Variants in NUP155 observed in about 807,000 individuals in gnomAD.
NUP155 encodes nucleoporin 155.
A neutral mutation model predicts 180.4 loss-of-function variants in NUP155; 71 were observed. That is an observed-to-expected ratio of 0.39 (90% CI 0.33 to 0.48). The LOEUF (loss-of-function observed/expected upper bound fraction) is 0.48. NUP155 is among the 20% of genes least tolerant of loss of function. NUP155 has a pLI of 0.91. For missense variants in NUP155, 1,553 were observed against 1,648.9 expected (o/e 0.94, Z 1.01); for synonymous variants, 582 against 559.5 (o/e 1.04, Z -0.57).
At chr5:37,346,274 T>C (rs1480724015) in intron 9 of NUP155, among the ~76,000 whole-genome samples, 1 of 150,786 alleles carries the variant, frequency 6.6e-6, no homozygotes, top group Non-Finnish European at 1.5e-5. Flanking sequence ...TGAAACCCTG[T>C]CTGAAAAAAA....
intron 1 of NUP155, among the ~76,000 whole-genome samples, chr5:37,369,304 C>T (rs1163345607): frequency 6.6e-6 from 1 of 152,040 alleles, no homozygotes; most frequent in East Asian, 1.9e-4. Flanking sequence ...AGGACTTTCA[C>T]AGGGAGTCTG....
Position 37,348,581 on chromosome 5 carries a change from G to T in NUP155, c.919C>A (p.Gln307Lys). ...KGVIQVYDLG[Q>K]DGQGMSRVAS... ...ACTCTGCTCATTCCTTGTCCATCTT[G>T]TCCCAAATCATACACCTGTGAATAC... The change falls in exon 9 of 35, where the codon CAA becomes AAA. Residue 307 changes from glutamine to lysine, a missense_variant. Gln to Lys is a moderately conservative substitution (Grantham distance 53). Coordinates refer to ENST00000231498, the MANE Select transcript of NUP155 (RefSeq NM_153485.3). The T allele has an allele frequency of 6.2e-7, 1 of 1,606,104 alleles. No individual in the cohort carries two copies. Among genetic ancestry groups the T allele is most frequent in the South Asian group, 1.1e-5 (1 of 90,920 alleles).
Position 37,348,576 on chromosome 5 carries a change from A to G in NUP155, c.924T>C (p.Asp308=). The change falls in exon 9 of 35, where the codon GAT becomes GAC. Residue 308 remains aspartate (D), a synonymous_variant. Coordinates refer to ENST00000231498, the MANE Select transcript of NUP155 (RefSeq NM_153485.3). The stretch of plus-strand genomic sequence containing the variant: ...AGGCAACTCTGCTCATTCCTTGTCC[A>G]TCTTGTCCCAAATCATACACCTGTG... ...GVIQVYDLGQ[D]GQGMSRVASV... The G allele has an allele frequency of 1.2e-6, 2 of 1,609,732 alleles. No individual in the cohort carries two copies. Among genetic ancestry groups the G allele is most frequent in the Admixed American group, 1.7e-5 (1 of 60,012 alleles).
chr5:37,355,172 G>A (rs559060975), intron 4 of NUP155, among the ~76,000 whole-genome samples: 1 of 151,962 alleles, frequency 6.6e-6, no homozygotes, highest in Admixed American at 6.6e-5. Context: ...ATTTCACTTA[G>A]GCCTTGCAAA....
intron 9 of NUP155, among the ~76,000 whole-genome samples, chr5:37,347,565 G>A (rs1002038935): frequency 1.3e-5 from 2 of 151,736 alleles, no homozygotes; most frequent in Non-Finnish European, 2.9e-5. Context: ...GTGTGATGGC[G>A]CATGCCTGTA....
chr5:37,366,870 T>G lies in NUP155; in HGVS notation c.158-2486A>C, dbSNP rs1447605766. On this transcript the variant is annotated intron_variant, in intron 1 of 34. Coordinates refer to ENST00000231498, the MANE Select transcript of NUP155 (RefSeq NM_153485.3). Reference sequence around the variant, plus strand: ...TGTCACCGTGTTAGCCAGGATGGTCTCGATCTCCCGACCTCGTGATCTGCC... The same window carrying G: ...TGTCACCGTGTTAGCCAGGATGGTCGCGATCTCCCGACCTCGTGATCTGCC... 4.6e-5 allele frequency among the ~76,000 whole-genome samples: 7 copies of G among 152,020 alleles called. No homozygotes were observed. In the South Asian group the frequency reaches 1.5e-3, roughly 32 times the overall value.
At chr5:37,318,523 AC>A (rs1467802500) in intron 20 of NUP155, among the ~76,000 whole-genome samples, 1 of 150,066 alleles carries the variant, frequency 6.7e-6, no homozygotes, top group Non-Finnish European at 1.5e-5. Context: ...CAAATCTGAA[AC>A]GTTTTGCACA....
In NUP155 at chr5:37,317,984, T is replaced by G; in HGVS notation, c.2305+4A>C. 1 of 1,558,172 alleles carries G rather than the reference T, an allele frequency of 6.4e-7. No individual in the cohort carries two copies. The highest frequency in any genetic ancestry group is 1.1e-5 in the South Asian group (1 of 89,998). ...CGCTTAACTGATGAGAAGCAATAAT[T>G]TACCATGAAACTTCCTCTGCAGTTC... On this transcript the variant is annotated splice_donor_region_variant and intron_variant, in intron 21 of 34. Coordinates refer to ENST00000231498, the MANE Select transcript of NUP155 (RefSeq NM_153485.3).
At chr5:37,346,720 A>T (rs1379323354) in intron 9 of NUP155, among the ~76,000 whole-genome samples, 1 of 151,868 alleles carries the variant, frequency 6.6e-6, no homozygotes, top group Middle Eastern at 3.2e-3. Flanking sequence ...TGACCAAGGT[A>T]GTTGGGATAT....
intron 33 of NUP155, among the ~76,000 whole-genome samples, chr5:37,294,068 A>G (rs894324724): frequency 3.3e-5 from 5 of 151,732 alleles, no homozygotes; most frequent in African/African-American, 4.8e-5. Flanking sequence ...AGTTTAGCCC[A>G]CACCTTGGTT....
In NUP155 at chr5:37,292,980, T is replaced by C. The variant is rs1420044334; in HGVS notation, c.3936A>G (p.Pro1312=). ...VYDQLFKSRD[P]FWNRMKKPLH... Reference sequence around the variant, plus strand: ...GTGGCTTCTTCATTCTGTTCCAGAATGGATCCTATGAAGAAATATACATAA... The same window carrying C: ...GTGGCTTCTTCATTCTGTTCCAGAACGGATCCTATGAAGAAATATACATAA... The change falls in exon 34 of 35, where the codon CCA becomes CCG. Residue 1312 remains proline, a synonymous_variant. Coordinates refer to ENST00000231498, the MANE Select transcript of NUP155 (RefSeq NM_153485.3). The C allele has an allele frequency of 6.3e-7, 1 of 1,592,708 alleles. No homozygotes were observed. Among genetic ancestry groups the C allele is most frequent in the Admixed American group, 1.7e-5 (1 of 59,972 alleles).
chr5:37,303,903 T>C (rs188696386), intron 27 of NUP155, among the ~76,000 whole-genome samples: 155 of 152,084 alleles, frequency 1.0e-3, no homozygotes, highest in African/African-American at 3.3e-3. Context: ...TATCGTGCCA[T>C]TGCACTGCAC....
intron 12 of NUP155, among the ~76,000 whole-genome samples, chr5:37,335,644 A>G (rs1419340610): frequency 1.3e-5 from 2 of 152,144 alleles, no homozygotes; most frequent in Non-Finnish European, 2.9e-5. Context: ...TACAAACCAT[A>G]TAATAACATT....
rs917033699 is a variant in NUP155, at chr5:37,329,273, C to T, written c.1730G>A (p.Gly577Asp). ...AWATRAFFRY[G>D]GEAQMRFPTT... ...TGGAAATCTCATCTGTGCTTCACCA[C>T]CATACCTATTTTTATGACAAGAGGT... is the stretch of plus-strand genomic sequence containing the variant. The change falls in exon 16 of 35, where the codon GGT becomes GAT. Residue 577 changes from glycine to aspartate, a missense_variant. Transcript: ENST00000231498. 4 of 1,612,752 alleles carry T rather than the reference C, an allele frequency of 2.5e-6. No homozygotes were observed. Among genetic ancestry groups the T allele is most frequent in the Non-Finnish European group, 3.4e-6 (4 of 1,178,934 alleles).
At chr5:37,330,162 A>G (rs780532713) in intron 14 of NUP155, 30 bp from the exon 15 acceptor site, 24 of 1,481,054 alleles carry the variant, frequency 1.6e-5, no homozygotes, top group Non-Finnish European at 2.2e-5. Context: ...TTGGCCTTAT[A>G]TTAAATACAA....
chr5:37,290,742 T>C lies in NUP155; in HGVS notation c.*1158A>G, dbSNP rs1167520012. 6.6e-6 allele frequency: 1 copy of C among 152,214 alleles called. No homozygotes were observed. Among genetic ancestry groups the C allele is most frequent in the Admixed American group, 6.6e-5 (1 of 15,264 alleles). The allele number at this position is 152,214 out of a possible 1,614,324, so 9.4% of individuals were successfully genotyped here. A position where few individuals can be genotyped will look rare whatever the true frequency, so the allele number is the denominator to read the frequency against. On this transcript the variant is annotated 3_prime_UTR_variant, in exon 35 of 35. Transcript: ENST00000231498. ...TATGGAAGGTAGCAGTATCCTTTAC[T>C]GCAGTGGCTTTCAAATTTGACATGC...
chr5:37,328,546 C>T, intron 16 of NUP155, 126 bp from the exon 17 acceptor site: 2 of 691,920 alleles, frequency 2.9e-6, no homozygotes, highest in Admixed American at 4.3e-5. Context: ...TTCTGTGGCC[C>T]AGGCTGGAGT....
rs1747943400 is a variant in NUP155 at position 37,371,086 on chromosome 5, C to T, written c.-109G>A. 6.0e-6 allele frequency: 7 copies of T among 1,175,328 alleles called. No individual in the cohort carries two copies. Among genetic ancestry groups the T allele is most frequent in the Non-Finnish European group, 8.6e-6 (7 of 816,810 alleles). The allele number at this position is 1,175,328 out of a possible 1,614,324, so 72.8% of individuals were successfully genotyped here. On this transcript the variant is annotated 5_prime_UTR_variant, in exon 1 of 35. Transcript: ENST00000231498. Reference sequence around the variant, plus strand: ...CGCCGCCTAGGGCGCGCGCGCCAAACGAGCGCCTTGGCGCCTCGACATGAC... The same window carrying T: ...CGCCGCCTAGGGCGCGCGCGCCAAATGAGCGCCTTGGCGCCTCGACATGAC...
At chr5:37,369,185 G>C (rs1325683412) in intron 1 of NUP155, among the ~76,000 whole-genome samples, 2 of 152,070 alleles carry the variant, frequency 1.3e-5, no homozygotes, top group Admixed American at 6.6e-5. Flanking sequence ...TCATGAGTTA[G>C]AGGCTGCAAT....
Sources: gnomAD v4.1 joint callset for allele counts (sites outside exome capture counted in the v4.1 genomes callset) on GRCh38, gnomAD v4.1.1 for gene constraint, MANE v1.5 for transcripts, NCBI Gene and HGNC (gene_info 2026-07-23, HGNC 2026-07-21) for gene names.